The following XKR4 variants were observed in gnomAD, a reference collection of about 807,000 sequenced individuals.
The protein encoded by XKR4 is XK related 4.
A neutral mutation model predicts 53.9 loss-of-function variants in XKR4; 12 were observed. That is an observed-to-expected ratio of 0.22 (90% CI 0.14 to 0.36). The LOEUF (loss-of-function observed/expected upper bound fraction) is 0.36. Among genes scored for constraint, XKR4 ranks in the 10% least tolerant of loss-of-function variants. XKR4 has a pLI of 1.00. For missense variants in XKR4, 799 were observed against 859.5 expected, an observed-to-expected ratio of 0.93 and a Z score of 0.88; for synonymous variants, 354 against 362.4, an observed-to-expected ratio of 0.98 and a Z score of 0.26.
At chr8:55,284,307 A>G (rs182665091) in intron 1 of XKR4, among the ~76,000 whole-genome samples, 6 of 152,310 alleles carry the variant, frequency 3.9e-5, no homozygotes, top group African/African-American at 1.4e-4. Flanking sequence ...TTGTTTCTAA[A>G]CAACAAATAT....
At chr8:55,453,237 G>T in intron 2 of XKR4, 2 of 492,286 alleles carry the variant, frequency 4.1e-6, no homozygotes. Flanking sequence ...GTGACCAGAG[G>T]CAGCAGAGCA....
At chr8:55,217,312 GA>G (rs1648153904) in intron 1 of XKR4, among the ~76,000 whole-genome samples, 1 of 150,574 alleles carries the variant, frequency 6.6e-6, no homozygotes, top group Admixed American at 6.6e-5. Context: ...GTAAACATAT[GA>G]AAATATGCTA....
At chr8:55,450,731 C>G (rs1297884940) in intron 2 of XKR4, 4 of 583,126 alleles carry the variant, frequency 6.9e-6, no homozygotes, top group East Asian at 8.1e-5. Context: ...GACAGCCACT[C>G]CTTCTCCACC....
rs1050326321 is a variant in XKR4 at position 55,202,024 on chromosome 8, C to T, written c.806+98730C>T. ...GGAGGCCATGATATTAGCTTTATTA[C>T]CCGCATTAAAGAAGAGTAACTGCTC... is the stretch of plus-strand genomic sequence containing the variant. On this transcript the variant is annotated intron_variant, in intron 1 of 2. Coordinates refer to ENST00000327381, the MANE Select transcript of XKR4 (RefSeq NM_052898.2). 3.3e-5 allele frequency among the ~76,000 whole-genome samples: 5 copies of T among 152,124 alleles called. No homozygotes were observed. In the East Asian group the frequency reaches 9.6e-4, roughly 29 times the overall value.
At chr8:55,106,066 C>T (rs574762517) in intron 1 of XKR4, among the ~76,000 whole-genome samples, 155 of 152,222 alleles carry the variant, frequency 1.0e-3, no homozygotes, top group Admixed American at 1.7e-3. Flanking sequence ...CTGAGTGGTT[C>T]AAAGCACAGA....
chr8:55,329,852 A>C (rs1803358226), intron 1 of XKR4, among the ~76,000 whole-genome samples: 1 of 152,200 alleles, frequency 6.6e-6, no homozygotes. Context: ...CCAGTACATG[A>C]GGCAGCATGA....
chr8:55,301,406 T>C (rs1466509117), intron 1 of XKR4, among the ~76,000 whole-genome samples: 1 of 152,042 alleles, frequency 6.6e-6, no homozygotes, highest in African/African-American at 2.4e-5. Flanking sequence ...TGTTGGACAT[T>C]TGGGTTGGTT....
chr8:55,450,589 G>A, intron 2 of XKR4: 1 of 728,566 alleles, frequency 1.4e-6, no homozygotes, highest in Middle Eastern at 3.4e-4. Context: ...AGAACTGGCT[G>A]AACTCAAACT....
At chr8:55,427,494 A>T (rs1805034353) in intron 2 of XKR4, among the ~76,000 whole-genome samples, 3 of 152,192 alleles carry the variant, frequency 2.0e-5, no homozygotes, top group Non-Finnish European at 2.9e-5. Flanking sequence ...TATAGGCATG[A>T]ACCACCACAT....
chr8:55,247,516 A>G (rs1472396939), intron 1 of XKR4, among the ~76,000 whole-genome samples: 1 of 152,194 alleles, frequency 6.6e-6, no homozygotes, highest in African/African-American at 2.4e-5. Flanking sequence ...GAGGGATTAA[A>G]TGACTTATTT....
chr8:55,356,876 A>C (rs1803803024), intron 1 of XKR4, among the ~76,000 whole-genome samples: 1 of 152,164 alleles, frequency 6.6e-6, no homozygotes, highest in Admixed American at 6.5e-5. Context: ...AGCCTATTCA[A>C]TGTAAAGATG....
chr8:55,382,262 T>C (rs1379367849), intron 2 of XKR4, among the ~76,000 whole-genome samples: 1 of 152,248 alleles, frequency 6.6e-6, no homozygotes, highest in Admixed American at 6.5e-5. Context: ...AAAGTAGTCA[T>C]TGACCTGGGA....
intron 2 of XKR4, among the ~76,000 whole-genome samples, chr8:55,479,658 C>A (rs1806066509): frequency 6.6e-6 from 1 of 151,738 alleles, no homozygotes; most frequent in Non-Finnish European, 1.5e-5. Context: ...ACTAGCAAGA[C>A]TAATAAAGAA....
chr8:55,502,870 A>G (rs1243011308), intron 2 of XKR4, among the ~76,000 whole-genome samples: 2 of 151,992 alleles, frequency 1.3e-5, no homozygotes, highest in African/African-American at 4.8e-5. Context: ...TAGGCTTTTG[A>G]TCCATTTTAG....
chr8:55,264,041 T>C (rs1393364884), intron 1 of XKR4, among the ~76,000 whole-genome samples: 1 of 152,216 alleles, frequency 6.6e-6, no homozygotes, highest in Non-Finnish European at 1.5e-5. Flanking sequence ...TCCAAAGCAC[T>C]ACATAATGTC....
intron 2 of XKR4, among the ~76,000 whole-genome samples, chr8:55,385,279 C>T (rs756053411): frequency 3.9e-5 from 6 of 152,144 alleles, no homozygotes; most frequent in Admixed American, 6.5e-5. Context: ...GCAAAGGCTG[C>T]GGACAGGCTT....
chr8:55,511,225 C>T (rs1486490538), intron 2 of XKR4, among the ~76,000 whole-genome samples: 1 of 152,164 alleles, frequency 6.6e-6, no homozygotes, highest in African/African-American at 2.4e-5. Flanking sequence ...CCCCCTGAAC[C>T]CCGCAGGCCA....
intron 1 of XKR4, among the ~76,000 whole-genome samples, chr8:55,144,912 A>T (rs762417442): frequency 6.6e-6 from 1 of 151,758 alleles, no homozygotes; most frequent in Admixed American, 6.6e-5. Flanking sequence ...GCTCACTGCA[A>T]CCACCACCTC....
At chr8:55,282,756 C>A (rs559496050) in intron 1 of XKR4, among the ~76,000 whole-genome samples, 70 of 152,288 alleles carry the variant, frequency 4.6e-4, no homozygotes, top group African/African-American at 1.6e-3. Context: ...TTGGTATAAA[C>A]AAACCTACTG....
Sources: allele counts gnomAD v4.1 joint callset (sites outside exome capture counted in the v4.1 genomes callset), GRCh38; gene constraint gnomAD v4.1.1; transcripts MANE v1.5; gene names NCBI Gene and HGNC (gene_info 2026-07-23, HGNC 2026-07-21).